NETO1: variants seen among roughly 807,000 people sequenced by gnomAD.
The protein encoded by NETO1 is neuropilin and tolloid-like protein 1.
In NETO1, 26 loss-of-function variants were observed where a neutral mutation model predicts 61.3. The observed-to-expected ratio is 0.42, with a 90% CI of 0.31 to 0.59. The LOEUF is 0.59. Ranked by LOEUF, NETO1 falls within the 20% of genes least tolerant of loss-of-function variation. NETO1 has a pLI of 0.12. For synonymous variants in NETO1, 225 were observed against 225.8 expected (o/e 1.00, Z 0.03); for missense variants, 531 against 662.8 (o/e 0.80, Z 2.18).
In NETO1 at chr18:72,750,335, G is replaced by A. The variant is rs1451704646; in HGVS notation, c.1268C>T (p.Ser423Leu). 1 of 1,614,032 alleles carries A rather than the reference G, an allele frequency of 6.2e-7. No homozygotes were observed. Among genetic ancestry groups the A allele is most frequent in the Admixed American group, 1.7e-5 (1 of 59,998 alleles). The change falls in exon 9 of 11, where the codon TCA becomes TTA. Residue 423 changes from serine (S) to leucine (L), a missense_variant. By Grantham distance (145) the Ser-to-Leu change is moderately radical (BLOSUM62 -2). Transcript: ENST00000327305. Reference sequence around the variant, plus strand: ...ATGGTCATGAATGCATTTGGAAGATGACCTCCGCAGTTTATGGTAATTTTC... The same window carrying A: ...ATGGTCATGAATGCATTTGGAAGATAACCTCCGCAGTTTATGGTAATTTTC... ...DFENYHKLRR[S>L]SSKCIHDHHC... is the part of the protein sequence containing the mutation.
intron 4 of NETO1, among the ~76,000 whole-genome samples, chr18:72,813,078 G>A (rs535348285): frequency 2.0e-5 from 3 of 152,122 alleles, no homozygotes; most frequent in Non-Finnish European, 2.9e-5. Context: ...CACCACTTAC[G>A]TGAGCTGAAT....
intron 4 of NETO1, among the ~76,000 whole-genome samples, chr18:72,844,425 T>C (rs761075923): frequency 1.3e-5 from 2 of 152,226 alleles, no homozygotes; most frequent in Non-Finnish European, 2.9e-5. Context: ...CACTATTCAA[T>C]TTAAAACATT....
chr18:72,812,058 T>G (rs948118776), intron 4 of NETO1, among the ~76,000 whole-genome samples: 1 of 152,204 alleles, frequency 6.6e-6, no homozygotes. Flanking sequence ...AGTGTGATGC[T>G]AACATCTTCA....
rs185162951 is a variant in NETO1 at position 72,793,023 on chromosome 18, C to T, written c.639+1094G>A. Among the ~76,000 whole-genome samples, 8 of 152,258 alleles carry T rather than the reference C, an allele frequency of 5.3e-5. No homozygotes were observed. The East Asian group carries it at 9.7e-4, about 18-fold the overall frequency. ...GGTCTTTTCTCTCTCTCTGTTATAC[C>T]TTACAAATACCCCAATGATCTAACC... On this transcript the variant is annotated intron_variant, in intron 6 of 10. Transcript: ENST00000327305.
chr18:72,838,751 T>C (rs2073834014), intron 4 of NETO1, among the ~76,000 whole-genome samples: 1 of 152,212 alleles, frequency 6.6e-6, no homozygotes, highest in South Asian at 2.1e-4. Flanking sequence ...TTTGTAAATT[T>C]CAGTTTTCCA....
At chr18:72,797,858 T>C (rs1343365832) in intron 4 of NETO1, among the ~76,000 whole-genome samples, 1 of 152,192 alleles carries the variant, frequency 6.6e-6, no homozygotes, top group Non-Finnish European at 1.5e-5. Context: ...TGTCCTTTTG[T>C]CTCTCTGCAA....
chr18:72,759,755 A>G (rs529389004), intron 7 of NETO1, among the ~76,000 whole-genome samples: 7 of 152,302 alleles, frequency 4.6e-5, no homozygotes, highest in African/African-American at 1.7e-4. Context: ...CGACCAATTT[A>G]CATAAGACTT....
At position 72,830,096 on chromosome 18, in the gene NETO1, A is replaced by G. The variant is rs1033988765; in HGVS notation, c.469+28730T>C. Reference sequence around the variant, plus strand: ...ATTGCCTCAATTCAGGCCCACATCTACCTATGTGGCTGAAATATGAAGGAA... The same window carrying G: ...ATTGCCTCAATTCAGGCCCACATCTGCCTATGTGGCTGAAATATGAAGGAA... On this transcript the variant is annotated intron_variant, in intron 4 of 10. Coordinates refer to ENST00000327305, the MANE Select transcript of NETO1 (RefSeq NM_138966.5). This position sits in a 1 kb window ranked among gnomAD's most constrained non-coding sequence, Gnocchi z 4.9. Among the ~76,000 whole-genome samples, 19 of 152,166 alleles carry G rather than the reference A, an allele frequency of 1.2e-4. No individual in the cohort carries two copies. The highest frequency in any genetic ancestry group is 4.6e-4 in the African/African-American group (19 of 41,428).
Position 72,794,252 on chromosome 18 carries a change from A to G in NETO1, c.512-8T>C, listed in dbSNP as rs2072236322. ...CCATCTCAAACTCACACGCTAAATA[A>G]CAAAATGCCAAACAAACACACAAAA... On this transcript the variant is annotated splice_polypyrimidine_tract_variant and splice_region_variant and intron_variant, in intron 5 of 10. Transcript: ENST00000327305. The G allele has an allele frequency of 6.2e-7, 1 of 1,614,072 alleles. No homozygotes were observed. Among genetic ancestry groups the G allele is most frequent in the South Asian group, 1.1e-5 (1 of 91,088 alleles).
At chr18:72,827,396 G>A (rs990711560) in intron 4 of NETO1, among the ~76,000 whole-genome samples, 2 of 152,132 alleles carry the variant, frequency 1.3e-5, no homozygotes, top group East Asian at 1.9e-4. Context: ...ATGGCCATAC[G>A]TGGAGCCCCT....
intron 7 of NETO1, among the ~76,000 whole-genome samples, chr18:72,761,318 A>T (rs12606900): frequency 1.3e-5 from 2 of 151,966 alleles, no homozygotes; most frequent in African/African-American, 4.8e-5. Flanking sequence ...GCTACAACCA[A>T]GTCTAATATG....
intron 4 of NETO1, among the ~76,000 whole-genome samples, chr18:72,802,124 A>G (rs1321311699): frequency 6.6e-6 from 1 of 152,038 alleles, no homozygotes; most frequent in Non-Finnish European, 1.5e-5. Context: ...TTTATTCTGA[A>G]AGTTTGATTG....
At chr18:72,828,790 A>C (rs533855093) in intron 4 of NETO1, among the ~76,000 whole-genome samples, 1 of 152,356 alleles carries the variant, frequency 6.6e-6, no homozygotes, top group South Asian at 2.1e-4. Context: ...CAGATATTTC[A>C]ACAGCGAAAA....
chr18:72,851,425 AAAAG>A (rs1268147855), intron 4 of NETO1, among the ~76,000 whole-genome samples: 2 of 152,022 alleles, frequency 1.3e-5, no homozygotes, highest in African/African-American at 2.4e-5. Flanking sequence ...AAAAAAAGAA[AAAAG>A]AAAGAAAGAA....
intron 4 of NETO1, among the ~76,000 whole-genome samples, chr18:72,821,957 T>C (rs2073214051): frequency 6.6e-6 from 1 of 152,214 alleles, no homozygotes; most frequent in African/African-American, 2.4e-5. Context: ...TTTCAAAAAC[T>C]GCCCTATGCA....
chr18:72,811,918 C>T (rs2072880369), intron 4 of NETO1, among the ~76,000 whole-genome samples: 1 of 152,184 alleles, frequency 6.6e-6, no homozygotes, highest in African/African-American at 2.4e-5. Flanking sequence ...TACATCCATG[C>T]TTTCAGTACC....
intron 7 of NETO1, among the ~76,000 whole-genome samples, chr18:72,781,162 A>G (rs1315838422): frequency 6.6e-6 from 1 of 152,178 alleles, no homozygotes; most frequent in Non-Finnish European, 1.5e-5. Context: ...CTTTTGATTA[A>G]AAATTACAGA....
At chr18:72,783,311 C>A (rs2071803971) in intron 7 of NETO1, among the ~76,000 whole-genome samples, 1 of 152,164 alleles carries the variant, frequency 6.6e-6, no homozygotes, top group South Asian at 2.1e-4. Flanking sequence ...AAAGAACCTA[C>A]CAAATATTTT....
At position 72,867,776 on chromosome 18, in the gene NETO1, G is replaced by GGGCGGCGGCGGC. The variant is rs1296666637; in HGVS notation, c.-497_-486dup. Reference sequence around the variant, plus strand: ...TCCAGACCGACGGCAGCGACGGAGCGGGCGGCGGCGGCGGCGCCGGCGGCG... The same window carrying GGGCGGCGGCGGC: ...TCCAGACCGACGGCAGCGACGGAGCGGGCGGCGGCGGCGGCGGCGGCGGCGGCGCCGGCGGCG... On this transcript the variant is annotated 5_prime_UTR_variant, in exon 1 of 11. Transcript: ENST00000327305. 3.2e-5 allele frequency: 5 copies of GGGCGGCGGCGGC among 156,984 alleles called. No homozygotes were observed. Among genetic ancestry groups the GGGCGGCGGCGGC allele is most frequent in the Non-Finnish European group, 6.8e-5 (5 of 73,728 alleles). The allele number at this position is 156,984 out of a possible 1,614,324, so 9.7% of individuals were successfully genotyped here. A position where few individuals can be genotyped will look rare whatever the true frequency, so the allele number is the denominator to read the frequency against.
Sources: gnomAD v4.1 joint callset for allele counts (sites outside exome capture counted in the v4.1 genomes callset) on GRCh38, gnomAD v4.1.1 for gene constraint, Gnocchi (gnomAD v3.1) non-coding constraint, MANE v1.5 for transcripts, NCBI Gene and HGNC (gene_info 2026-07-23, HGNC 2026-07-21) for gene names.